ANO2: variants seen among roughly 807,000 people sequenced by gnomAD.
ANO2 encodes the protein anoctamin-2.
In ANO2, 101 loss-of-function variants were observed where a neutral mutation model predicts 124.2. That is an observed-to-expected ratio of 0.81 (90% CI 0.69 to 0.96). ANO2 has a LOEUF of 0.96. Among genes scored for constraint, ANO2 ranks in the 40% least tolerant of loss-of-function variants. ANO2 has a pLI of 0.00. For missense variants in ANO2, 1,293 were observed against 1,274.5 expected, an observed-to-expected ratio of 1.01 and a Z score of -0.22; for synonymous variants, 486 against 482.5, an observed-to-expected ratio of 1.01 and a Z score of -0.09.
At chr12:5,826,383 G>A (rs1953953729) in intron 7 of ANO2, among the ~76,000 whole-genome samples, 1 of 148,092 alleles carries the variant, frequency 6.8e-6, no homozygotes, top group Admixed American at 6.7e-5. Flanking sequence ...TGTCTGAGAG[G>A]GTGTTGCCAA....
intron 1 of ANO2, among the ~76,000 whole-genome samples, chr12:5,923,176 A>G (rs113143802): frequency 0.056 from 2,573 of 45,692 alleles, 350 homozygotes; most frequent in African/African-American, 0.22. Context: ...ACACACACGC[A>G]CACACACATA....
chr12:5,648,172 A>G (rs1946740347), intron 14 of ANO2, among the ~76,000 whole-genome samples: 1 of 152,196 alleles, frequency 6.6e-6, no homozygotes, highest in Non-Finnish European at 1.5e-5. Context: ...CCTACTACAC[A>G]GGACAGTTTT....
rs374181903 is a variant in ANO2, at chr12:5,945,251, C to T, written c.-34G>A. ...CGCAGACCCCGCCGGCCCGCGGCCGCGCGCTTCTGGGCAGGCTTATGCCGC... is the reference window on the plus strand; with the variant it reads ...CGCAGACCCCGCCGGCCCGCGGCCGTGCGCTTCTGGGCAGGCTTATGCCGC... On this transcript the variant is annotated 5_prime_UTR_variant, in exon 1 of 25. Transcript: ENST00000682330. The T allele has an allele frequency of 3.7e-5, 48 of 1,284,458 alleles. No homozygotes were observed. The East Asian group carries it at 9.6e-4, about 26-fold the overall frequency. The allele number at this position is 1,284,458 out of a possible 1,614,324, so 79.6% of individuals were successfully genotyped here.
Position 5,615,202 on chromosome 12 carries a change from C to T in ANO2, c.1912G>A (p.Ala638Thr). The T allele has an allele frequency of 1.9e-6, 3 of 1,613,418 alleles. No homozygotes were observed. The highest frequency in any genetic ancestry group is 1.3e-5 in the African/African-American group (1 of 75,006). Residue 638 changes from alanine to threonine, a missense_variant, in exon 17 of 25, where the codon GCC (alanine) becomes ACC (threonine). Coordinates refer to ENST00000682330, the MANE Select transcript of ANO2 (RefSeq NM_001364791.2). ...TATACTCACCTCCCTTTGAAAAAGG[C>T]CACATAGAAGATGGGGGAGTAGGCA... ...VNAYSPIFYV[A>T]FFKGRFVGRP... is the part of the protein sequence containing the mutation.
chr12:5,882,277 G>A (rs552437752), intron 3 of ANO2, among the ~76,000 whole-genome samples: 1 of 152,312 alleles, frequency 6.6e-6, no homozygotes, highest in East Asian at 1.9e-4. Flanking sequence ...AGGTACACTA[G>A]AAGGAGGTGG....
chr12:5,875,677 T>TC (rs1350830119), intron 3 of ANO2, among the ~76,000 whole-genome samples: 1 of 152,174 alleles, frequency 6.6e-6, no homozygotes, highest in Non-Finnish European at 1.5e-5. Flanking sequence ...CTTGGCTCTC[T>TC]CAGTATTCTT....
chr12:5,743,324 G>A (rs910890640), intron 12 of ANO2, among the ~76,000 whole-genome samples: 4 of 152,164 alleles, frequency 2.6e-5, no homozygotes, highest in Admixed American at 6.5e-5. Context: ...CTGCACATTC[G>A]GTGATGAGTA....
chr12:5,660,726 C>A (rs1032045227), intron 14 of ANO2, among the ~76,000 whole-genome samples: 1 of 152,178 alleles, frequency 6.6e-6, no homozygotes, highest in East Asian at 1.9e-4. Flanking sequence ...GCACTTGGGT[C>A]ACGCTGATCA....
chr12:5,666,467 C>T (rs1247891505), intron 14 of ANO2, among the ~76,000 whole-genome samples: 16 of 152,174 alleles, frequency 1.1e-4, no homozygotes, highest in Admixed American at 9.8e-4. Context: ...CAGGGCTCAC[C>T]ATCACCACTG....
intron 10 of ANO2, among the ~76,000 whole-genome samples, chr12:5,775,806 G>C (rs1414291447): frequency 2.6e-5 from 4 of 152,090 alleles, no homozygotes; most frequent in Non-Finnish European, 5.9e-5. Context: ...TTGCCTCTGA[G>C]ACTGTGTACT....
chr12:5,757,765 G>A (rs934645823), intron 10 of ANO2, among the ~76,000 whole-genome samples: 2 of 152,180 alleles, frequency 1.3e-5, no homozygotes, highest in Admixed American at 6.5e-5. Context: ...TGCCAAGTCC[G>A]TCCAGGGAAA....
intron 4 of ANO2, among the ~76,000 whole-genome samples, chr12:5,834,264 A>C (rs1408759836): frequency 6.6e-6 from 1 of 152,230 alleles, no homozygotes; most frequent in Non-Finnish European, 1.5e-5. Flanking sequence ...CATCCAGAAT[A>C]AGAGGCAACA....
intron 7 of ANO2, among the ~76,000 whole-genome samples, chr12:5,824,833 G>A (rs535672525): frequency 2.0e-5 from 3 of 152,262 alleles, no homozygotes; most frequent in Admixed American, 2.0e-4. Flanking sequence ...GAATCATGGT[G>A]GGAGGGGAAA....
chr12:5,599,708 C>A, intron 19 of ANO2, 79 bp from the exon 20 acceptor site: 1 of 1,504,764 alleles, frequency 6.6e-7, no homozygotes, highest in South Asian at 1.2e-5. Context: ...AGAAAAAGAA[C>A]ACAAAAGTTT....
intron 3 of ANO2, among the ~76,000 whole-genome samples, chr12:5,866,152 C>T (rs1263548926): frequency 6.6e-6 from 1 of 152,142 alleles, no homozygotes; most frequent in Admixed American, 6.5e-5. Context: ...TGGTCAAAAT[C>T]AATAAGATGT....
intron 1 of ANO2, among the ~76,000 whole-genome samples, chr12:5,938,353 G>A (rs1275684647): frequency 6.6e-6 from 1 of 152,152 alleles, no homozygotes; most frequent in Non-Finnish European, 1.5e-5. Context: ...GTACTTCTAT[G>A]CTGGTGCTTG....
chr12:5,896,514 C>T (rs547885809), intron 3 of ANO2, among the ~76,000 whole-genome samples: 1 of 152,240 alleles, frequency 6.6e-6, no homozygotes, highest in Non-Finnish European at 1.5e-5. Flanking sequence ...ATTTTCCCCT[C>T]CTTTTAAGCC....
rs904219793 is a variant in ANO2 at position 5,904,665 on chromosome 12, G to C, written c.534+16375C>G. On this transcript the variant is annotated intron_variant, in intron 3 of 24. Coordinates refer to ENST00000682330, the MANE Select transcript of ANO2 (RefSeq NM_001364791.2). This position sits in a 1 kb window ranked among gnomAD's most constrained non-coding sequence, Gnocchi z 4.1. ...GCCACAGCACCCGATGCTCCTTCTC[G>C]ATCTTCAAATTTTGCAGTGTCATCC... 2.0e-5 allele frequency among the ~76,000 whole-genome samples: 3 copies of C among 152,142 alleles called. No homozygotes were observed. Among genetic ancestry groups the C allele is most frequent in the African/African-American group, 7.2e-5 (3 of 41,440 alleles).
At chr12:5,628,917 G>A (rs1460780563) in intron 16 of ANO2, among the ~76,000 whole-genome samples, 1 of 152,194 alleles carries the variant, frequency 6.6e-6, no homozygotes, top group Non-Finnish European at 1.5e-5. Context: ...ATGCAAACCA[G>A]TGTTGGTATG....
Sources: gnomAD v4.1 joint callset for allele counts (sites outside exome capture counted in the v4.1 genomes callset) on GRCh38, gnomAD v4.1.1 for gene constraint, Gnocchi (gnomAD v3.1) non-coding constraint, MANE v1.5 for transcripts, NCBI Gene and HGNC (gene_info 2026-07-23, HGNC 2026-07-21) for gene names.